FAM124A: variants seen among roughly 807,000 people sequenced by gnomAD.
FAM124A encodes protein FAM124A.
Under a neutral mutation model 24.5 loss-of-function variants are expected in FAM124A, and 23 were observed. The ratio of observed to expected loss-of-function variants is 0.94; its 90% CI spans 0.68 to 1.33. The LOEUF is 1.33. FAM124A is among the 40% of genes most tolerant of loss of function. The pLI is 0.00. For missense variants in FAM124A, 623 were observed against 722.8 expected, an observed-to-expected ratio of 0.86 and a Z score of 1.58; for synonymous variants, 287 against 314.7, an observed-to-expected ratio of 0.91 and a Z score of 0.93.
intron 2 of FAM124A, among the ~76,000 whole-genome samples, chr13:51,236,161 A>C (rs1316813965): frequency 6.6e-6 from 1 of 152,132 alleles, no homozygotes; most frequent in Admixed American, 6.5e-5. Flanking sequence ...GGGCCCCTGG[A>C]TCACTCTTAT....
At chr13:51,223,480 A>G (rs1255676310) in intron 1 of FAM124A, among the ~76,000 whole-genome samples, 2 of 152,136 alleles carry the variant, frequency 1.3e-5, no homozygotes, top group East Asian at 3.9e-4. Flanking sequence ...GGAGCTGCCT[A>G]GACTACAGAA....
At chr13:51,256,321 GTTC>G (rs1482472980) in intron 3 of FAM124A, among the ~76,000 whole-genome samples, 1 of 152,198 alleles carries the variant, frequency 6.6e-6, no homozygotes, top group Non-Finnish European at 1.5e-5. Flanking sequence ...CTGTGGAAAA[GTTC>G]TTCTGTGGAA....
Position 51,283,452 on chromosome 13 carries a change from C to T in FAM124A, c.*2196C>T, listed in dbSNP as rs1001921198. The stretch of plus-strand genomic sequence containing the variant: ...TGAGGTTGATTCAACATCCCAGCTC[C>T]AGTCAACAACAAAAATTCTAAGTCT... On this transcript the variant is annotated 3_prime_UTR_variant, in exon 4 of 4. Transcript: ENST00000322475. 1.3e-5 allele frequency: 2 copies of T among 152,186 alleles called. No homozygotes were observed. The highest frequency in any genetic ancestry group is 4.8e-5 in the African/African-American group (2 of 41,414). The allele number at this position is 152,186 out of a possible 1,614,324, so 9.4% of individuals were successfully genotyped here.
intron 3 of FAM124A, among the ~76,000 whole-genome samples, chr13:51,266,667 G>C (rs894631014): frequency 6.6e-6 from 1 of 152,168 alleles, no homozygotes; most frequent in African/African-American, 2.4e-5. Context: ...CCACCTTCTT[G>C]GGAAGGGGGC....
intron 1 of FAM124A, among the ~76,000 whole-genome samples, chr13:51,229,679 C>A (rs1954353751): frequency 1.3e-5 from 2 of 152,178 alleles, no homozygotes; most frequent in Admixed American, 1.3e-4. Flanking sequence ...TCTTTAAAGT[C>A]TGTCCATCTT....
chr13:51,280,440 C>T lies in FAM124A; in HGVS notation c.835-10C>T, dbSNP rs754531196. ...TCCTGCACTAATGTGATCTGCCTCTCCCCCCACAGGCACAAAGGGTGCATA... is the reference window on the plus strand; with the variant it reads ...TCCTGCACTAATGTGATCTGCCTCTTCCCCCACAGGCACAAAGGGTGCATA... On this transcript the variant is annotated splice_polypyrimidine_tract_variant and intron_variant, in intron 3 of 3. Coordinates refer to ENST00000322475, the MANE Select transcript of FAM124A (RefSeq NM_001242312.2). The T allele has an allele frequency of 4.4e-6, 7 of 1,575,872 alleles. No homozygotes were observed. Among genetic ancestry groups the T allele is most frequent in the African/African-American group, 2.7e-5 (2 of 73,716 alleles).
intron 3 of FAM124A, among the ~76,000 whole-genome samples, chr13:51,275,673 T>G (rs900014393): frequency 6.6e-6 from 1 of 152,186 alleles, no homozygotes; most frequent in Non-Finnish European, 1.5e-5. Context: ...AACAACATGA[T>G]GAAATGCCAT....
intron 3 of FAM124A, chr13:51,252,412 C>A: frequency 1.5e-6 from 1 of 646,282 alleles, no homozygotes; most frequent in Non-Finnish European, 2.5e-6. Flanking sequence ...CTCTTCATTT[C>A]ACTTTCAGCA....
At chr13:51,241,726 C>T (rs1954496714) in intron 2 of FAM124A, among the ~76,000 whole-genome samples, 1 of 120,820 alleles carries the variant, frequency 8.3e-6, no homozygotes, top group African/African-American at 2.8e-5. Context: ...TTGAATATTC[C>T]ACTGAATTTT....
chr13:51,252,552 C>A, intron 3 of FAM124A: 1 of 314,136 alleles, frequency 3.2e-6, no homozygotes, highest in East Asian at 5.3e-5. Context: ...ATTCCTGAAT[C>A]TATGCCCATG....
chr13:51,280,830 C>T lies in FAM124A; in HGVS notation c.1215C>T (p.Asp405=). 14 of 1,614,138 alleles carry T rather than the reference C, an allele frequency of 8.7e-6. No individual in the cohort carries two copies. Among genetic ancestry groups the T allele is most frequent in the Non-Finnish European group, 1.2e-5 (14 of 1,180,024 alleles). ...ATGGCCACCTCCTCTCCATCGATGA[C>T]CTAGAGGGGGCCCAGGAGACAGACG... ...WRHGHLLSID[D]LEGAQETDVD... is the part of the protein sequence containing the mutation. Residue 405 remains aspartate, a synonymous_variant, in exon 4 of 4, where the codon GAC becomes GAT. Transcript: ENST00000322475.
intron 3 of FAM124A, among the ~76,000 whole-genome samples, chr13:51,254,355 C>T (rs1159886234): frequency 2.0e-5 from 3 of 152,128 alleles, no homozygotes; most frequent in Non-Finnish European, 2.9e-5. Flanking sequence ...TTGGGGACTT[C>T]CTCCTCCCAT....
intron 2 of FAM124A, among the ~76,000 whole-genome samples, chr13:51,236,574 A>G (rs962546319): frequency 1.3e-5 from 2 of 152,264 alleles, no homozygotes; most frequent in African/African-American, 2.4e-5. Context: ...CAACACATGG[A>G]AAAGACATGA....
In FAM124A at chr13:51,251,646, C is replaced by T; in HGVS notation, c.279C>T (p.Pro93=). 2 of 1,580,756 alleles carry T rather than the reference C, an allele frequency of 1.3e-6. No homozygotes were observed. Among genetic ancestry groups the T allele is most frequent in the South Asian group, 2.3e-5 (2 of 86,650 alleles). The change falls in exon 3 of 4, where the codon CCC becomes CCT. Residue 93 remains proline (P), a synonymous_variant. Coordinates refer to ENST00000322475, the MANE Select transcript of FAM124A (RefSeq NM_001242312.2). The surrounding 1 kb of genome is among the most constrained non-coding windows in gnomAD (Gnocchi z 5.3). ...ERRASRRRRK[P]PKGAQPALAV... ...GGGCGTCCCGGCGGCGGCGGAAGCC[C>T]CCCAAGGGCGCTCAGCCAGCGCTGG...
intron 2 of FAM124A, among the ~76,000 whole-genome samples, chr13:51,234,044 T>A (rs916628016): frequency 1.3e-5 from 2 of 152,226 alleles, no homozygotes; most frequent in African/African-American, 4.8e-5. Flanking sequence ...CTCCTGCATC[T>A]CATTGTCATT....
intron 1 of FAM124A, among the ~76,000 whole-genome samples, chr13:51,225,666 A>G (rs61956860): frequency 0.037 from 5,577 of 152,270 alleles, 150 homozygotes; most frequent in Non-Finnish European, 0.056. Flanking sequence ...GGAACGCTAA[A>G]TGTCTTTTTT....
At chr13:51,276,059 G>A (rs9535632) in intron 3 of FAM124A, among the ~76,000 whole-genome samples, 36,001 of 152,074 alleles carry the variant, frequency 0.24, 4,570 homozygotes, top group East Asian at 0.35. Flanking sequence ...CATGGTAGTT[G>A]TAAACTGCTG....
At chr13:51,257,961 G>C (rs1344209705) in intron 3 of FAM124A, among the ~76,000 whole-genome samples, 2 of 152,216 alleles carry the variant, frequency 1.3e-5, no homozygotes, top group East Asian at 3.8e-4. Flanking sequence ...TTGTTTCAGA[G>C]TTCTGGAGGC....
At chr13:51,230,171 A>T (rs905903060) in intron 1 of FAM124A, among the ~76,000 whole-genome samples, 2 of 152,196 alleles carry the variant, frequency 1.3e-5, no homozygotes, top group Non-Finnish European at 2.9e-5. Flanking sequence ...CATTGATTCC[A>T]TGACTACTAA....
Sources: allele counts gnomAD v4.1 joint callset (sites outside exome capture counted in the v4.1 genomes callset), GRCh38; gene constraint gnomAD v4.1.1; non-coding constraint Gnocchi (gnomAD v3.1); transcripts MANE v1.5; gene names NCBI Gene and HGNC (gene_info 2026-07-23, HGNC 2026-07-21).